KLF12: variants seen among roughly 807,000 people sequenced by gnomAD.
The protein encoded by KLF12 is Krueppel-like factor 12.
A neutral mutation model predicts 37.8 loss-of-function variants in KLF12; 9 were observed. The observed-to-expected ratio is 0.24, with a 90% CI of 0.14 to 0.42. KLF12 has a LOEUF of 0.42. Among genes scored for constraint, KLF12 ranks in the 10% least tolerant of loss-of-function variants. The probability of loss-of-function intolerance (pLI) is 1.00; values close to 1 mark genes in which losing one functional copy is unlikely to be tolerated. For missense variants in KLF12, 411 were observed against 516.0 expected (o/e 0.80, Z 1.97); for synonymous variants, 208 against 202.1 (o/e 1.03, Z -0.25).
intron 6 of KLF12, among the ~76,000 whole-genome samples, chr13:73,743,435 T>C (rs1193574838): frequency 6.6e-6 from 1 of 152,226 alleles, no homozygotes; most frequent in African/African-American, 2.4e-5. Flanking sequence ...ATCAGTGCTA[T>C]CTTATATAAA....
chr13:73,881,054 T>C (rs1214121092), intron 3 of KLF12, among the ~76,000 whole-genome samples: 1 of 152,166 alleles, frequency 6.6e-6, no homozygotes, highest in Non-Finnish European at 1.5e-5. Flanking sequence ...ACATGCTCTC[T>C]AGAGATAACA....
chr13:73,963,612 C>T (rs958284514), intron 2 of KLF12, among the ~76,000 whole-genome samples: 22 of 152,040 alleles, frequency 1.4e-4, no homozygotes, highest in African/African-American at 5.3e-4. Context: ...AAAAAGTTTT[C>T]GGAAAAATAA....
At chr13:74,201,526 C>A in the KLF12 span, among the ~76,000 whole-genome samples, 3 of 152,176 alleles carry the variant, frequency 2.0e-5, no homozygotes, top group Non-Finnish European at 4.4e-5. Flanking sequence ...CCCCAGGACT[C>A]CTGAGACACC....
At chr13:74,216,788 C>CA in the KLF12 span, among the ~76,000 whole-genome samples, 1 of 152,264 alleles carries the variant, frequency 6.6e-6, no homozygotes, top group Admixed American at 6.5e-5. Context: ...TCCTCTGTAG[C>CA]AAGAAGTCTT....
At chr13:73,917,264 A>AC (rs1888891691) in intron 3 of KLF12, among the ~76,000 whole-genome samples, 1 of 152,176 alleles carries the variant, frequency 6.6e-6, no homozygotes, top group African/African-American at 2.4e-5. Context: ...GGAGACAGGC[A>AC]CTTACTATAC....
intron 6 of KLF12, among the ~76,000 whole-genome samples, chr13:73,755,341 G>A (rs1420810910): frequency 6.6e-6 from 1 of 152,078 alleles, no homozygotes; most frequent in Non-Finnish European, 1.5e-5. Context: ...ATTACAGGAT[G>A]GAAGAGAAGA....
intron 5 of KLF12, among the ~76,000 whole-genome samples, chr13:73,808,564 G>A (rs1230495354): frequency 1.3e-5 from 2 of 151,952 alleles, no homozygotes; most frequent in Non-Finnish European, 2.9e-5. Context: ...TGGTGGGTGG[G>A]GTGGGTAGAT....
At chr13:73,984,690 T>C (rs1449021341) in intron 2 of KLF12, among the ~76,000 whole-genome samples, 5 of 152,182 alleles carry the variant, frequency 3.3e-5, no homozygotes, top group African/African-American at 1.2e-4. Flanking sequence ...TCCTTTTAAG[T>C]CCCATATTCG....
chr13:74,223,838 G>A, the KLF12 span, among the ~76,000 whole-genome samples: 2 of 152,088 alleles, frequency 1.3e-5, no homozygotes, highest in African/African-American at 2.4e-5. Context: ...AGCCCCATGG[G>A]TTTGATCATC....
chr13:73,879,080 C>G (rs1229229269), intron 3 of KLF12, among the ~76,000 whole-genome samples: 1 of 152,110 alleles, frequency 6.6e-6, no homozygotes, highest in Non-Finnish European at 1.5e-5. Flanking sequence ...CCACAGCCCA[C>G]AAGAAAAATT....
intron 3 of KLF12, among the ~76,000 whole-genome samples, chr13:73,932,103 G>T (rs1889713446): frequency 6.6e-6 from 1 of 151,722 alleles, no homozygotes; most frequent in Non-Finnish European, 1.5e-5. Context: ...GCAGATAAAG[G>T]CTTTAAAGAG....
At chr13:74,241,002 TGGA>T in the KLF12 span, among the ~76,000 whole-genome samples, 2 of 152,110 alleles carry the variant, frequency 1.3e-5, no homozygotes, top group Admixed American at 6.6e-5. Context: ...TGCGTTCCTT[TGGA>T]GGAGGAGAGG....
At chr13:73,982,974 A>C (rs1392683594) in intron 2 of KLF12, among the ~76,000 whole-genome samples, 1 of 152,130 alleles carries the variant, frequency 6.6e-6, no homozygotes, top group East Asian at 1.9e-4. Flanking sequence ...AAAGAAAAAA[A>C]AGTAAAATTC....
chr13:73,705,298 G>A (rs1233378457), intron 7 of KLF12, among the ~76,000 whole-genome samples: 1 of 152,102 alleles, frequency 6.6e-6, no homozygotes, highest in Non-Finnish European at 1.5e-5. Flanking sequence ...TTTTGAGATG[G>A]AGTCTTGCTC....
At chr13:73,810,401 C>T (rs9543462) in intron 5 of KLF12, among the ~76,000 whole-genome samples, 111,752 of 152,038 alleles carry the variant, frequency 0.74, 41,288 homozygotes, top group Non-Finnish European at 0.75. Context: ...TAATTATTTG[C>T]TATACAAGCC....
Position 74,116,296 on chromosome 13 carries a change from G to C in KLF12, c.-32+17443C>G, listed in dbSNP as rs527278422. On this transcript the variant is annotated intron_variant, in intron 1 of 7. Coordinates refer to ENST00000377669, the MANE Select transcript of KLF12 (RefSeq NM_007249.5). ...TTGCTCCTAGGGAAAAAAGGCCAGAGATATATTTTCTTCCTCACAAAGAAA... is the reference window on the plus strand; with the variant it reads ...TTGCTCCTAGGGAAAAAAGGCCAGACATATATTTTCTTCCTCACAAAGAAA... Among the ~76,000 whole-genome samples, 8 of 152,256 alleles carry C rather than the reference G, an allele frequency of 5.3e-5. No individual in the cohort carries two copies. The South Asian group carries it at 1.0e-3, about 20-fold the overall frequency.
At position 73,845,859 on chromosome 13, in the gene KLF12, G is replaced by A. The variant is rs756779759; in HGVS notation, c.638C>T (p.Pro213Leu). The change falls in exon 4 of 8, where the codon CCG becomes CTG. Residue 213 changes from proline to leucine, a missense_variant. Physicochemically the swap from Pro to Leu is moderately conservative, Grantham distance 98. Coordinates refer to ENST00000377669, the MANE Select transcript of KLF12 (RefSeq NM_007249.5). ...ATGGCCTCTCCCATCCTCCAAAAGCGGCACGACAATAGTGTTGTTCACATT... is the reference window on the plus strand; with the variant it reads ...ATGGCCTCTCCCATCCTCCAAAAGCAGCACGACAATAGTGTTGTTCACATT... 3 of 1,613,838 alleles carry A rather than the reference G, an allele frequency of 1.9e-6. No individual in the cohort carries two copies. The highest frequency in any genetic ancestry group is 1.7e-5 in the Admixed American group (1 of 59,994).
the KLF12 span, among the ~76,000 whole-genome samples, chr13:74,265,054 T>G: frequency 1.3e-5 from 2 of 152,228 alleles, no homozygotes; most frequent in African/African-American, 4.8e-5. Context: ...ATAACATGAA[T>G]CTCATCTACT....
chr13:74,253,982 G>A, the KLF12 span, among the ~76,000 whole-genome samples: 2 of 152,080 alleles, frequency 1.3e-5, no homozygotes, highest in Admixed American at 1.3e-4. Flanking sequence ...AAAAAATCAT[G>A]TTTATCAATT....
Sources: allele counts gnomAD v4.1 joint callset (sites outside exome capture counted in the v4.1 genomes callset), GRCh38; gene constraint gnomAD v4.1.1; transcripts MANE v1.5; gene names NCBI Gene and HGNC (gene_info 2026-07-23, HGNC 2026-07-21).